Variants in RSBN1 observed in about 807,000 individuals in gnomAD.
The protein encoded by RSBN1 is round spermatid basic protein 1, also known as lysine-specific demethylase 9.
In RSBN1, 23 loss-of-function variants were observed where a neutral mutation model predicts 74.8. The observed-to-expected ratio is 0.31, with a 90% CI of 0.22 to 0.44. The LOEUF is 0.44. Ranked by LOEUF, RSBN1 falls within the 20% of genes least tolerant of loss-of-function variation. RSBN1 has a pLI of 1.00. For missense variants in RSBN1, 808 were observed against 1,020.9 expected (o/e 0.79, Z 2.84); for synonymous variants, 407 against 379.6 (o/e 1.07, Z -0.84).
At chr1:113,779,750 C>T (rs1660099790) in intron 2 of RSBN1, among the ~76,000 whole-genome samples, 1 of 152,074 alleles carries the variant, frequency 6.6e-6, no homozygotes. Flanking sequence ...CGGCCAGGCA[C>T]GGTGGTGCAT....
In RSBN1 at chr1:113,812,227, C is replaced by G. The variant is rs1234914411; in HGVS notation, c.186G>C (p.Val62=). 6.2e-7 allele frequency: 1 copy of G among 1,606,848 alleles called. No homozygotes were observed. The highest frequency in any genetic ancestry group is 1.3e-5 in the African/African-American group (1 of 74,912). Residue 62 remains valine, a synonymous_variant, in exon 1 of 7, where the codon GTG becomes GTC. Transcript: ENST00000261441. ...QVGAVRVVRA[V]AAQEEPDKEG... ...CTTTGTCCGGCTCCTCCTGCGCCGC[C>G]ACCGCCCGTACTACGCGCACCGCTC...
intron 2 of RSBN1, among the ~76,000 whole-genome samples, chr1:113,779,834 G>A (rs1660101899): frequency 6.6e-6 from 1 of 150,598 alleles, no homozygotes; most frequent in Non-Finnish European, 1.5e-5. Flanking sequence ...CAGCCTGGCC[G>A]AGATGGTGAA....
intron 2 of RSBN1, among the ~76,000 whole-genome samples, chr1:113,779,126 A>G (rs1660087313): frequency 6.6e-6 from 1 of 152,230 alleles, no homozygotes. Context: ...ATTAAATTTA[A>G]AAGCCTAACA....
At chr1:113,785,069 T>C (rs371689337) in intron 2 of RSBN1, among the ~76,000 whole-genome samples, 3 of 152,356 alleles carry the variant, frequency 2.0e-5, no homozygotes, top group Non-Finnish European at 4.4e-5. Context: ...ATTGTACAGC[T>C]ATACAAAAAT....
At chr1:113,789,696 G>T (rs559186515) in intron 2 of RSBN1, among the ~76,000 whole-genome samples, 2 of 152,134 alleles carry the variant, frequency 1.3e-5, no homozygotes, top group Non-Finnish European at 2.9e-5. Flanking sequence ...ACACCCAGCT[G>T]GTGTCTGCTG....
At position 113,763,740 on chromosome 1, in the gene RSBN1, GTTTTATAAA is replaced by G. The variant is rs1557992497; in HGVS notation, c.*2231_*2239del. 3 of 140,394 alleles carry G rather than the reference GTTTTATAAA, an allele frequency of 2.1e-5. No individual in the cohort carries two copies. The highest frequency in any genetic ancestry group is 7.6e-5 in the African/African-American group (3 of 39,726). 8.7% of individuals were successfully genotyped at this position (140,394 alleles called of 1,614,324 possible). A position where few individuals can be genotyped will look rare whatever the true frequency, so the allele number is the denominator to read the frequency against. On this transcript the variant is annotated 3_prime_UTR_variant, in exon 7 of 7. Coordinates refer to ENST00000261441, the MANE Select transcript of RSBN1 (RefSeq NM_018364.5). ...TTTATATTGGAGGTGAGGGTAGAAT[GTTTTATAAA>G]AGGAAAATGGGGATTTGCTTTTGAT...
intron 2 of RSBN1, among the ~76,000 whole-genome samples, chr1:113,785,583 T>G (rs1179408624): frequency 6.6e-6 from 1 of 152,180 alleles, no homozygotes. Context: ...TCCTGGCCAC[T>G]TGAAGCTTAC....
intron 2 of RSBN1, among the ~76,000 whole-genome samples, chr1:113,789,684 T>C (rs1660328023): frequency 6.6e-6 from 1 of 152,192 alleles, no homozygotes. Flanking sequence ...TTGAATTGGA[T>C]GACACCCAGC....
At position 113,763,330 on chromosome 1, in the gene RSBN1, A is replaced by T. The variant is rs1385092390; in HGVS notation, c.*2650T>A. Reference sequence around the variant, plus strand: ...TGTGCAAGTAATCTCAAGAGCTGGCACAACGGATAATATACCAAAAAGGAA... The same window carrying T: ...TGTGCAAGTAATCTCAAGAGCTGGCTCAACGGATAATATACCAAAAAGGAA... On this transcript the variant is annotated 3_prime_UTR_variant, in exon 7 of 7. Coordinates refer to ENST00000261441, the MANE Select transcript of RSBN1 (RefSeq NM_018364.5). The T allele has an allele frequency of 6.5e-6, 1 of 152,810 alleles. No individual in the cohort carries two copies. Among genetic ancestry groups the T allele is most frequent in the Admixed American group, 6.5e-5 (1 of 15,292 alleles). The allele number at this position is 152,810 out of a possible 1,614,324, so 9.5% of individuals were successfully genotyped here. A position where few individuals can be genotyped will look rare whatever the true frequency, so the allele number is the denominator to read the frequency against.
intron 3 of RSBN1, 111 bp from the exon 4 acceptor site, chr1:113,777,463 G>T (rs1660054525): frequency 9.5e-7 from 1 of 1,051,302 alleles, no homozygotes; most frequent in Non-Finnish European, 1.3e-6. Context: ...TGTATATAAA[G>T]AAATAAATGC....
chr1:113,800,700 G>GT (rs1214258078), intron 1 of RSBN1, among the ~76,000 whole-genome samples: 2 of 152,006 alleles, frequency 1.3e-5, no homozygotes, highest in Non-Finnish European at 2.9e-5. Context: ...TGCGTTGATT[G>GT]TAACACATTT....
At chr1:113,781,291 C>T (rs1254966987) in intron 2 of RSBN1, among the ~76,000 whole-genome samples, 2 of 152,160 alleles carry the variant, frequency 1.3e-5, no homozygotes, top group Non-Finnish European at 2.9e-5. Context: ...ATTGCCTCAC[C>T]TCACCTTTTA....
At chr1:113,780,426 C>G (rs1660116308) in intron 2 of RSBN1, among the ~76,000 whole-genome samples, 2 of 152,218 alleles carry the variant, frequency 1.3e-5, no homozygotes, top group African/African-American at 2.4e-5. Flanking sequence ...CTCAACAGCA[C>G]TGAACTTGAA....
chr1:113,794,326 G>A (rs1446241141), intron 2 of RSBN1, among the ~76,000 whole-genome samples: 1 of 152,024 alleles, frequency 6.6e-6, no homozygotes, highest in Non-Finnish European at 1.5e-5. Context: ...ACACTATTAT[G>A]TAATCTTTGC....
chr1:113,787,788 T>C (rs1372683427), intron 2 of RSBN1, among the ~76,000 whole-genome samples: 1 of 152,136 alleles, frequency 6.6e-6, no homozygotes, highest in Non-Finnish European at 1.5e-5. Flanking sequence ...AGAAACAATA[T>C]CTTTAAACAC....
Position 113,797,555 on chromosome 1 carries a change from A to G in RSBN1, c.1185T>C (p.Phe395=). The change falls in exon 2 of 7, where the codon TTT becomes TTC. Residue 395 remains phenylalanine, a synonymous_variant. Coordinates refer to ENST00000261441, the MANE Select transcript of RSBN1 (RefSeq NM_018364.5). ...CATTTTCACTGAATGTCAAAGCAAG[A>G]AACTCCTCAGAAAATCTCTCCATCT... ...PMEMERFSEE[F]LALTFSENEK... is the part of the protein sequence containing the mutation. 1 of 1,612,504 alleles carries G rather than the reference A, an allele frequency of 6.2e-7. No homozygotes were observed. The highest frequency in any genetic ancestry group is 8.5e-7 in the Non-Finnish European group (1 of 1,179,138).
chr1:113,768,023 T>C, intron 5 of RSBN1, 199 bp downstream of exon 5: 1 of 438,110 alleles, frequency 2.3e-6, no homozygotes, highest in East Asian at 3.5e-5. Context: ...CCTCGCAAGA[T>C]GAAAAGGTTC....
rs919185953 is a variant in RSBN1, at chr1:113,762,612, C to T, written c.*3368G>A. 1 of 152,616 alleles carries T rather than the reference C, an allele frequency of 6.6e-6. No individual in the cohort carries two copies. The highest frequency in any genetic ancestry group is 2.4e-5 in the African/African-American group (1 of 41,392). The allele number at this position is 152,616 out of a possible 1,614,324, so 9.5% of individuals were successfully genotyped here. On this transcript the variant is annotated 3_prime_UTR_variant, in exon 7 of 7. Coordinates refer to ENST00000261441, the MANE Select transcript of RSBN1 (RefSeq NM_018364.5). ...ATAAATGCAAATAAATTTTTTATGG[C>T]AAATACAGATGAAAATATAATGGGC...
intron 5 of RSBN1, chr1:113,767,823 A>C (rs953810144): frequency 1.3e-5 from 2 of 159,540 alleles, no homozygotes; most frequent in African/African-American, 4.8e-5. Flanking sequence ...CCCTTGCTAC[A>C]ACACGGATGA....
Sources: gnomAD v4.1 joint callset for allele counts (sites outside exome capture counted in the v4.1 genomes callset) on GRCh38, gnomAD v4.1.1 for gene constraint, MANE v1.5 for transcripts, NCBI Gene and HGNC (gene_info 2026-07-23, HGNC 2026-07-21) for gene names.